The following SARDH variants were observed in gnomAD, a reference collection of about 807,000 sequenced individuals.
SARDH encodes the protein sarcosine dehydrogenase, also known as sarcosine dehydrogenase, mitochondrial.
SARDH carries 95 observed loss-of-function variants against 109.1 expected under a neutral mutation model. The observed-to-expected ratio is 0.87, with a 90% CI of 0.74 to 1.03. The LOEUF (loss-of-function observed/expected upper bound fraction) is 1.03. SARDH is among the 50% of genes least tolerant of loss of function. SARDH has a pLI of 0.00. For missense variants in SARDH, 1,267 were observed against 1,287.8 expected (o/e 0.98, Z 0.25); for synonymous variants, 572 against 534.8 (o/e 1.07, Z -0.96).
At chr9:133,663,105 T>C (rs781551714), downstream of SARDH, among the ~76,000 whole-genome samples, 2 of 152,114 alleles carry the variant, frequency 1.3e-5, no homozygotes, top group African/African-American at 2.4e-5. Context: ...AAAGGTCACC[T>C]AGAAAGGGGG....
rs1831781214 is a variant in SARDH, at chr9:133,708,362, G to A, written c.1395C>T (p.Ala465=). ...GGGGGAAGACGACGGAGTAGTTCTT[G>A]GCGTAGGACTCATGGCTTCGCTCTC... is the stretch of plus-strand genomic sequence containing the variant. ...WIRERSHESY[A]KNYSVVFPHD... The change falls in exon 11 of 21, where the codon GCC becomes GCT. Residue 465 remains alanine, a synonymous_variant. Coordinates refer to ENST00000439388, the MANE Select transcript of SARDH (RefSeq NM_001134707.2). 6.2e-7 allele frequency: 1 copy of A among 1,613,372 alleles called. No homozygotes were observed. The highest frequency in any genetic ancestry group is 8.5e-7 in the Non-Finnish European group (1 of 1,179,770).
rs1474964070 is a variant in SARDH, at chr9:133,733,884, T to A, written c.290A>T (p.Glu97Val). 1.3e-6 allele frequency: 2 copies of A among 1,503,180 alleles called. No individual in the cohort carries two copies. The highest frequency in any genetic ancestry group is 2.7e-5 in the South Asian group (2 of 73,546). 93.1% of individuals were successfully genotyped at this position (1,503,180 alleles called of 1,614,324 possible). A position where few individuals can be genotyped will look rare whatever the true frequency, so the allele number is the denominator to read the frequency against. ...GGTCCCGGAGGTCAGCCGCTCCCGC[T>A]CCAGCAGCACCGCCCCACTCATGCC... ...KLGMSGAVLL[E>V]RERLTSGTTW... Residue 97 changes from glutamate (E) to valine (V), a missense_variant, in exon 2 of 21, where the codon GAG becomes GTG. Glu to Val is a moderately radical substitution (Grantham distance 121). Coordinates refer to ENST00000439388, the MANE Select transcript of SARDH (RefSeq NM_001134707.2).
In SARDH at chr9:133,718,625, G is replaced by C; in HGVS notation, c.1020+313C>G. The C allele has an allele frequency of 1.3e-6, 1 of 775,448 alleles. No homozygotes were observed. Among genetic ancestry groups the C allele is most frequent in the Non-Finnish European group, 2.4e-6 (1 of 416,430 alleles). The allele number at this position is 775,448 out of a possible 1,614,324, so 48.0% of individuals were successfully genotyped here. On this transcript the variant is annotated intron_variant, in intron 7 of 20. Transcript: ENST00000439388. The surrounding 1 kb of genome is among the most constrained non-coding windows in gnomAD (Gnocchi z 4.2). ...TGCAGCAGCTGGTTGGGAGGGCAGT[G>C]TCATTTGCTGAAGGACGTAGGACTT...
rs1831983593 is a variant in SARDH at position 133,712,980 on chromosome 9, C to T, written c.1237+58G>A. ...GCTCCTGCGCCCGCCTCCCCCAGAG[C>T]TCTGGGAATGACAGGACCTCCCTCT... On this transcript the variant is annotated intron_variant, in intron 9 of 20. Coordinates refer to ENST00000439388, the MANE Select transcript of SARDH (RefSeq NM_001134707.2). This position sits in a 1 kb window ranked among gnomAD's most constrained non-coding sequence, Gnocchi z 4.1. 6.6e-7 allele frequency: 1 copy of T among 1,523,352 alleles called. No individual in the cohort carries two copies. Among genetic ancestry groups the T allele is most frequent in the Non-Finnish European group, 8.9e-7 (1 of 1,117,470 alleles). The allele number at this position is 1,523,352 out of a possible 1,614,324, so 94.4% of individuals were successfully genotyped here.
chr9:133,702,242 G>T (rs1180342380), intron 13 of SARDH, among the ~76,000 whole-genome samples: 1 of 152,252 alleles, frequency 6.6e-6, no homozygotes, highest in Non-Finnish European at 1.5e-5. Flanking sequence ...AGCTGCGGGG[G>T]AGAACGCCCC....
In SARDH at chr9:133,734,287, T is replaced by C. The variant is rs1305384756; in HGVS notation, c.-30-84A>G. The C allele has an allele frequency of 3.4e-6, 3 of 889,306 alleles. 1 individual carries two copies. Among genetic ancestry groups the C allele is most frequent in the East Asian group, 5.9e-5 (2 of 33,656 alleles). The allele number at this position is 889,306 out of a possible 1,614,324, so 55.1% of individuals were successfully genotyped here. Reference sequence around the variant, plus strand: ...AGTACCCAGGGAAATAAGGGCCCTATGGTGTTACCTCCCAGGGCCTTCCTC... The same window carrying C: ...AGTACCCAGGGAAATAAGGGCCCTACGGTGTTACCTCCCAGGGCCTTCCTC... On this transcript the variant is annotated intron_variant, in intron 1 of 20. Coordinates refer to ENST00000439388, the MANE Select transcript of SARDH (RefSeq NM_001134707.2).
At position 133,666,732 on chromosome 9, in the gene SARDH, C is replaced by A. The variant is rs374910676; in HGVS notation, c.2631+3G>T. 22 of 1,585,470 alleles carry A rather than the reference C, an allele frequency of 1.4e-5. No homozygotes were observed. Among genetic ancestry groups the A allele is most frequent in the Non-Finnish European group, 1.8e-5 (21 of 1,166,402 alleles). ...CTTAGCAGGGCCAGAGAAGGGGACT[C>A]ACCGGCCCACCGCTGGGGTCATGGA... On this transcript the variant is annotated splice_donor_region_variant and intron_variant, in intron 20 of 20. Coordinates refer to ENST00000439388, the MANE Select transcript of SARDH (RefSeq NM_001134707.2). This position sits in a 1 kb window ranked among gnomAD's most constrained non-coding sequence, Gnocchi z 5.2.
intron 10 of SARDH, among the ~76,000 whole-genome samples, chr9:133,711,844 G>T (rs924012071): frequency 1.3e-5 from 2 of 152,172 alleles, no homozygotes; most frequent in Non-Finnish European, 2.9e-5. Flanking sequence ...AACGCACGGG[G>T]AGTGGCCCGG....
intron 17 of SARDH, among the ~76,000 whole-genome samples, chr9:133,681,823 G>A (rs951806788): frequency 9.2e-5 from 14 of 152,130 alleles, no homozygotes; most frequent in Non-Finnish European, 1.6e-4. Context: ...CTCCTTATGC[G>A]TGTAGCACCT....
At chr9:133,730,699 CG>C (rs2131503726) in intron 4 of SARDH, among the ~76,000 whole-genome samples, 1 of 151,946 alleles carries the variant, frequency 6.6e-6, no homozygotes, top group East Asian at 1.9e-4. Context: ...TTCTACAGGC[CG>C]GGGGTGGTGG....
Position 133,686,863 on chromosome 9 carries a change from G to A in SARDH, c.2070-1577C>T, listed in dbSNP as rs913175208. On this transcript the variant is annotated intron_variant, in intron 16 of 20. Coordinates refer to ENST00000439388, the MANE Select transcript of SARDH (RefSeq NM_001134707.2). This position sits in a 1 kb window ranked among gnomAD's most constrained non-coding sequence, Gnocchi z 4.0. ...CCACTCAGCACCCACGTGGTGCCAA[G>A]CCCTGGAGAGTGATACCAGTGCCTC... is the stretch of plus-strand genomic sequence containing the variant. Among the ~76,000 whole-genome samples, 1 of 152,224 alleles carries A rather than the reference G, an allele frequency of 6.6e-6. No individual in the cohort carries two copies. Among genetic ancestry groups the A allele is most frequent in the Non-Finnish European group, 1.5e-5 (1 of 68,044 alleles).
At chr9:133,682,804 C>T (rs907197082) in intron 17 of SARDH, among the ~76,000 whole-genome samples, 10 of 111,560 alleles carry the variant, frequency 9.0e-5, no homozygotes, top group African/African-American at 2.2e-4. Context: ...CTGCTAGAAG[C>T]GAGGTCTGCA....
chr9:133,680,046 G>A (rs1444388392), intron 17 of SARDH, among the ~76,000 whole-genome samples: 6 of 152,210 alleles, frequency 3.9e-5, no homozygotes, highest in South Asian at 2.1e-4. Context: ...GTTTCTTCAC[G>A]TTGAGGGATA....
intron 13 of SARDH, among the ~76,000 whole-genome samples, chr9:133,698,810 T>C (rs1831378241): frequency 6.6e-6 from 1 of 152,182 alleles, no homozygotes; most frequent in Non-Finnish European, 1.5e-5. Context: ...AAAGCGAAGA[T>C]ATAAAACTCT....
chr9:133,711,679 C>T (rs1331323949), intron 10 of SARDH, among the ~76,000 whole-genome samples: 1 of 152,200 alleles, frequency 6.6e-6, no homozygotes, highest in Non-Finnish European at 1.5e-5. Context: ...GAGGGGCGCA[C>T]CGAGCTGAGC....
rs1388432862 is a variant in SARDH, at chr9:133,693,485, C to T, written c.1921+773G>A. On this transcript the variant is annotated intron_variant, in intron 15 of 20. Transcript: ENST00000439388. The surrounding 1 kb of genome is among the most constrained non-coding windows in gnomAD (Gnocchi z 5.6). ...CTCCCCGCTGACTGTGCCCCTGCCC[C>T]GGGGACAGCACAGAGAGCTGCACGG... 2.0e-5 allele frequency among the ~76,000 whole-genome samples: 3 copies of T among 152,226 alleles called. No individual in the cohort carries two copies. The highest frequency in any genetic ancestry group is 4.8e-5 in the African/African-American group (2 of 41,454).
intron 6 of SARDH, among the ~76,000 whole-genome samples, chr9:133,719,717 G>A (rs897375421): frequency 4.0e-5 from 6 of 149,180 alleles, no homozygotes; most frequent in African/African-American, 9.9e-5. Flanking sequence ...TGACACCAGG[G>A]TCTCTCTAAA....
intron 17 of SARDH, among the ~76,000 whole-genome samples, chr9:133,675,569 C>G (rs1384459831): frequency 6.6e-6 from 1 of 152,062 alleles, no homozygotes; most frequent in Non-Finnish European, 1.5e-5. Context: ...AAACTGGAAC[C>G]CTTGTGTATT....
intron 17 of SARDH, among the ~76,000 whole-genome samples, chr9:133,677,071 G>T (rs140226144): frequency 1.8e-4 from 27 of 152,070 alleles, no homozygotes; most frequent in Non-Finnish European, 3.4e-4. Flanking sequence ...CCTGAGAGGC[G>T]GAGGCTGTAG....
Sources: allele counts gnomAD v4.1 joint callset (sites outside exome capture counted in the v4.1 genomes callset), GRCh38; gene constraint gnomAD v4.1.1; non-coding constraint Gnocchi (gnomAD v3.1); transcripts MANE v1.5; gene names NCBI Gene and HGNC (gene_info 2026-07-23, HGNC 2026-07-21).